The following SSH2 variants were observed in gnomAD, a reference collection of about 807,000 sequenced individuals.
SSH2 encodes the protein slingshot protein phosphatase 2, also known as protein phosphatase Slingshot homolog 2.
Under a neutral mutation model 135.2 loss-of-function variants are expected in SSH2, and 37 were observed. The observed-to-expected ratio is 0.27, with a 90% CI of 0.21 to 0.36. The LOEUF (loss-of-function observed/expected upper bound fraction) is 0.36. Among genes scored for constraint, SSH2 ranks in the 10% least tolerant of loss-of-function variants. The pLI is 1.00. For missense variants in SSH2, 1,408 were observed against 1,765.3 expected (o/e 0.80, Z 3.63); for synonymous variants, 628 against 646.2 (o/e 0.97, Z 0.43).
intron 3 of SSH2, among the ~76,000 whole-genome samples, chr17:29,785,501 T>G (rs1018930818): frequency 2.1e-5 from 3 of 144,192 alleles, no homozygotes; most frequent in African/African-American, 7.8e-5. Flanking sequence ...ATTTTTTTTT[T>G]TTTTTTTTTT....
At chr17:29,719,349 G>A (rs1055568803) in intron 3 of SSH2, among the ~76,000 whole-genome samples, 12 of 152,100 alleles carry the variant, frequency 7.9e-5, no homozygotes, top group Admixed American at 4.6e-4. Flanking sequence ...GTGAAATAAA[G>A]TTAAAGAGGA....
intron 1 of SSH2, among the ~76,000 whole-genome samples, chr17:29,860,564 C>T (rs1190664915): frequency 3.3e-5 from 5 of 151,212 alleles, no homozygotes; most frequent in African/African-American, 7.3e-5. Flanking sequence ...CTTCAGCCAC[C>T]GCGATTACAG....
intron 4 of SSH2, among the ~76,000 whole-genome samples, chr17:29,702,452 C>G: frequency 6.6e-6 from 1 of 151,514 alleles, no homozygotes; most frequent in Non-Finnish European, 1.5e-5. Context: ...GTCAGGAGTT[C>G]GAGGCCAGCC....
chr17:29,743,074 G>A (rs1444783412), intron 3 of SSH2, among the ~76,000 whole-genome samples: 1 of 152,138 alleles, frequency 6.6e-6, no homozygotes, highest in Non-Finnish European at 1.5e-5. Flanking sequence ...TGGGATTACA[G>A]GCATGTCCCA....
intron 3 of SSH2, among the ~76,000 whole-genome samples, chr17:29,768,054 C>T (rs1441420004): frequency 6.6e-6 from 1 of 152,054 alleles, no homozygotes; most frequent in East Asian, 1.9e-4. Flanking sequence ...TTTTCCTGTG[C>T]ATTATTAGTG....
intron 3 of SSH2, among the ~76,000 whole-genome samples, chr17:29,726,469 T>C (rs1181020116): frequency 2.0e-5 from 3 of 151,960 alleles, no homozygotes; most frequent in Non-Finnish European, 4.4e-5. Context: ...CCAACTACAA[T>C]ATGGAGAATG....
chr17:29,671,304 C>G (rs1166694896), intron 9 of SSH2, among the ~76,000 whole-genome samples: 1 of 151,900 alleles, frequency 6.6e-6, no homozygotes, highest in Non-Finnish European at 1.5e-5. Context: ...ATAGTGAGAC[C>G]CTATCTCTAA....
chr17:29,676,059 G>T (rs1249882469), intron 8 of SSH2: 2 of 152,038 alleles, frequency 1.3e-5, no homozygotes, highest in Non-Finnish European at 2.9e-5. Flanking sequence ...TTTTCTCTAG[G>T]CTTTATTTGC....
At chr17:29,662,641 T>A (rs1363454551) in intron 11 of SSH2, among the ~76,000 whole-genome samples, 1 of 152,156 alleles carries the variant, frequency 6.6e-6, no homozygotes, top group African/African-American at 2.4e-5. Flanking sequence ...GATTTTTTTT[T>A]AACTTTTAAG....
At chr17:29,862,174 G>A (rs1282488941) in intron 1 of SSH2, among the ~76,000 whole-genome samples, 6 of 152,192 alleles carry the variant, frequency 3.9e-5, no homozygotes, top group Admixed American at 2.6e-4. Context: ...ATTTAACTGA[G>A]TCAATTTGAA....
chr17:29,866,955 C>T (rs1051847778), intron 1 of SSH2, among the ~76,000 whole-genome samples: 1 of 152,092 alleles, frequency 6.6e-6, no homozygotes, highest in Non-Finnish European at 1.5e-5. Flanking sequence ...ATCTCAGTCT[C>T]CTGAGTAGCT....
At chr17:29,753,153 C>T (rs537010363) in intron 3 of SSH2, among the ~76,000 whole-genome samples, 3 of 152,124 alleles carry the variant, frequency 2.0e-5, no homozygotes, top group East Asian at 1.9e-4. Context: ...TTTTTTGAGA[C>T]GGAGTCTTGC....
At chr17:29,731,420 TA>T (rs1193713125) in intron 3 of SSH2, among the ~76,000 whole-genome samples, 599 of 2,440 alleles carry the variant, frequency 0.25, 9 homozygotes, top group East Asian at 0.42. Flanking sequence ...AAGTATTTTT[TA>T]TTTATTTATT....
chr17:29,782,092 C>T (rs2041854193), intron 3 of SSH2, among the ~76,000 whole-genome samples: 1 of 151,620 alleles, frequency 6.6e-6, no homozygotes. Flanking sequence ...ATGATCTGCC[C>T]ACCTCAGCCT....
intron 1 of SSH2, among the ~76,000 whole-genome samples, chr17:29,912,962 TC>T (rs1387199559): frequency 6.6e-6 from 1 of 151,636 alleles, no homozygotes; most frequent in Non-Finnish European, 1.5e-5. Flanking sequence ...ATGTACAACT[TC>T]CTATATCTCA....
At chr17:29,796,293 A>C (rs1024682852) in intron 2 of SSH2, among the ~76,000 whole-genome samples, 1 of 152,180 alleles carries the variant, frequency 6.6e-6, no homozygotes, top group African/African-American at 2.4e-5. Flanking sequence ...AAATTGAAAG[A>C]TCTTATAGCG....
chr17:29,803,010 A>G (rs1236318704), intron 2 of SSH2, among the ~76,000 whole-genome samples: 1 of 152,204 alleles, frequency 6.6e-6, no homozygotes, highest in African/African-American at 2.4e-5. Context: ...CGAAACTGGA[A>G]GAGATAATGC....
At chr17:29,816,359 T>A (rs991538862) in intron 2 of SSH2, among the ~76,000 whole-genome samples, 7 of 152,140 alleles carry the variant, frequency 4.6e-5, no homozygotes, top group African/African-American at 9.7e-5. Flanking sequence ...CCATAAAAAT[T>A]CAGGTAATGG....
chr17:29,854,097 T>A (rs916400206), intron 1 of SSH2, among the ~76,000 whole-genome samples: 13 of 151,970 alleles, frequency 8.6e-5, no homozygotes, highest in Admixed American at 4.6e-4. Context: ...GGTTAAAATT[T>A]TCTTTCAAAG....
Sources: gnomAD v4.1 joint callset for allele counts (sites outside exome capture counted in the v4.1 genomes callset) on GRCh38, gnomAD v4.1.1 for gene constraint, MANE v1.5 for transcripts, NCBI Gene and HGNC (gene_info 2026-07-23, HGNC 2026-07-21) for gene names.